Variants in AGO1 observed in about 807,000 individuals in gnomAD.
AGO1 encodes protein argonaute-1.
In AGO1, 11 loss-of-function variants were observed where a neutral mutation model predicts 109.2. The ratio of observed to expected loss-of-function variants is 0.10; its 90% CI spans 0.06 to 0.17. The LOEUF (loss-of-function observed/expected upper bound fraction) is 0.17, where lower values mean the gene tolerates loss of function less well. AGO1 is among the 10% of genes least tolerant of loss of function. The probability of loss-of-function intolerance (pLI) is 1.00; values close to 1 mark genes in which losing one functional copy is unlikely to be tolerated. For synonymous variants in AGO1, 422 were observed against 418.6 expected (o/e 1.01, Z -0.10); for missense variants, 574 against 1,140.3 (o/e 0.50, Z 7.15).
chr1:35,883,147 GTCGGAGCGCCCCGCTTGACTCGT>G (rs1645055347), upstream of AGO1: 1 of 1,122,070 alleles, frequency 8.9e-7, no homozygotes, highest in Non-Finnish European at 1.1e-6. This position sits in a 1 kb window ranked among gnomAD's most constrained non-coding sequence, Gnocchi z 5.4. Flanking sequence ...CTTTGTTGCC[GTCGGAGCGCCCCGCTTGACTCGT>G]TCCGGTCCGC....
intron 1 of AGO1, among the ~76,000 whole-genome samples, chr1:35,877,885 G>A (rs1460692831): frequency 6.6e-6 from 1 of 151,348 alleles, no homozygotes; most frequent in Non-Finnish European, 1.5e-5. Flanking sequence ...TAGAGATGGG[G>A]TCTCACCATA....
chr1:35,887,833 G>A (rs1645145425), intron 1 of AGO1, among the ~76,000 whole-genome samples: 1 of 151,366 alleles, frequency 6.6e-6, no homozygotes, highest in Non-Finnish European at 1.5e-5. Flanking sequence ...CTTTTCCTTA[G>A]TCTCCAAACT....
chr1:35,888,775 ACTTCG>A lies in AGO1; in HGVS notation c.209+168_209+172del. The stretch of plus-strand genomic sequence containing the variant: ...AAATGCTGAAAAATAGTCCAATTGG[ACTTCG>A]CTATTGGAAGATTATTAGTGGCTTT... On this transcript the variant is annotated intron_variant, in intron 2 of 18. Transcript: ENST00000373204. This position sits in a 1 kb window ranked among gnomAD's most constrained non-coding sequence, Gnocchi z 4.1. 6.6e-6 allele frequency among the ~76,000 whole-genome samples: 1 copy of A among 152,222 alleles called. No homozygotes were observed. Among genetic ancestry groups the A allele is most frequent in the Non-Finnish European group, 1.5e-5 (1 of 68,042 alleles).
At chr1:35,882,636 T>C (rs1445821687), upstream of AGO1, among the ~76,000 whole-genome samples, 1 of 152,198 alleles carries the variant, frequency 6.6e-6, no homozygotes, top group East Asian at 1.9e-4. The surrounding 1 kb of genome is among the most constrained non-coding windows in gnomAD (Gnocchi z 5.1). Context: ...GCTCTGTAGC[T>C]GCACTTAAGT....
chr1:35,909,309 AAG>A, intron 12 of AGO1, among the ~76,000 whole-genome samples: 1 of 152,206 alleles, frequency 6.6e-6, no homozygotes, highest in East Asian at 1.9e-4. Context: ...GGAATTGTTG[AAG>A]AGAGCTGAAT....
chr1:35,883,962 C>T lies in AGO1; in HGVS notation c.25+516C>T, dbSNP rs764375012. On this transcript the variant is annotated intron_variant, in intron 1 of 18. Coordinates refer to ENST00000373204, the MANE Select transcript of AGO1 (RefSeq NM_012199.5). This position sits in a 1 kb window ranked among gnomAD's most constrained non-coding sequence, Gnocchi z 5.4. Reference sequence around the variant, plus strand: ...GGGGGCGGTGGGTGGGGACCCAGTCCCGGGATTACCCCCCGTGGGTCTGGG... The same window carrying T: ...GGGGGCGGTGGGTGGGGACCCAGTCTCGGGATTACCCCCCGTGGGTCTGGG... 1.1e-4 allele frequency among the ~76,000 whole-genome samples: 17 copies of T among 152,172 alleles called. No individual in the cohort carries two copies. Among genetic ancestry groups the T allele is most frequent in the Non-Finnish European group, 4.4e-5 (3 of 68,024 alleles).
chr1:35,883,057 C>G (rs1645053825), upstream of AGO1, among the ~76,000 whole-genome samples: 1 of 152,194 alleles, frequency 6.6e-6, no homozygotes. The surrounding 1 kb of genome is among the most constrained non-coding windows in gnomAD (Gnocchi z 5.4). Context: ...CTGGCGCCCT[C>G]CCGCCGGGCT....
chr1:35,906,891 C>G, intron 11 of AGO1, 44 bp from the exon 12 acceptor site: 1 of 1,552,770 alleles, frequency 6.4e-7, no homozygotes, highest in Non-Finnish European at 8.8e-7. Context: ...CAGAAGAATT[C>G]AAGTGAGACT....
rs1645850893 is a variant in AGO1, at chr1:35,922,490, TG to T, written c.*2886del. The T allele has an allele frequency of 1.3e-5, 2 of 152,424 alleles. No homozygotes were observed. The highest frequency in any genetic ancestry group is 4.8e-5 in the African/African-American group (2 of 41,468). 9.4% of individuals were successfully genotyped at this position (152,424 alleles called of 1,614,324 possible). ...GGACCCCCAGCCTCATCCTCTTAGT[TG>T]GGTCTCTTGTTCCCTTTGTACCACT... On this transcript the variant is annotated 3_prime_UTR_variant, in exon 19 of 19. Coordinates refer to ENST00000373204, the MANE Select transcript of AGO1 (RefSeq NM_012199.5).
chr1:35,886,839 T>C (rs1187467964), intron 1 of AGO1, among the ~76,000 whole-genome samples: 1 of 152,162 alleles, frequency 6.6e-6, no homozygotes, highest in African/African-American at 2.4e-5. Flanking sequence ...TGTGTGTGTG[T>C]CAGACACTGG....
chr1:35,874,155 C>T (rs1482080561), intron 1 of AGO1, among the ~76,000 whole-genome samples: 1 of 152,116 alleles, frequency 6.6e-6, no homozygotes, highest in African/African-American at 2.4e-5. Flanking sequence ...TTTGATCTAC[C>T]AATGTCATGG....
At position 35,888,017 on chromosome 1, in the gene AGO1, C is replaced by T. The variant is rs1421893862; in HGVS notation, c.26-410C>T. Among the ~76,000 whole-genome samples, 1 of 152,084 alleles carries T rather than the reference C, an allele frequency of 6.6e-6. No individual in the cohort carries two copies. Among genetic ancestry groups the T allele is most frequent in the East Asian group, 1.9e-4 (1 of 5,194 alleles). ...TGCCATTTTGTATTCAGCATGGTGGCGAATGGAGTGAGCATCTGGCTGGCA... is the reference window on the plus strand; with the variant it reads ...TGCCATTTTGTATTCAGCATGGTGGTGAATGGAGTGAGCATCTGGCTGGCA... On this transcript the variant is annotated intron_variant, in intron 1 of 18. Transcript: ENST00000373204. This position sits in a 1 kb window ranked among gnomAD's most constrained non-coding sequence, Gnocchi z 4.1.
At chr1:35,869,921 G>A (rs891935802) in intron 1 of AGO1, 2 of 152,226 alleles carry the variant, frequency 1.3e-5, no homozygotes, top group African/African-American at 4.8e-5. Flanking sequence ...ATTTAATCCG[G>A]TGTGCATTTT....
At chr1:35,898,448 G>A (rs1268179938) in intron 8 of AGO1, among the ~76,000 whole-genome samples, 2 of 152,022 alleles carry the variant, frequency 1.3e-5, no homozygotes, top group Admixed American at 6.6e-5. Flanking sequence ...AGTAGAGATG[G>A]GGTTTCACGG....
chr1:35,910,797 A>G (rs1476193541), intron 12 of AGO1, among the ~76,000 whole-genome samples: 1 of 151,996 alleles, frequency 6.6e-6, no homozygotes, highest in Non-Finnish European at 1.5e-5. Flanking sequence ...GGGTGCAGTG[A>G]CTCGTGCCTG....
chr1:35,903,779 A>G (rs554859077), intron 11 of AGO1, among the ~76,000 whole-genome samples: 202 of 151,134 alleles, frequency 1.3e-3, no homozygotes, highest in African/African-American at 4.8e-3. Context: ...CCTGGCCAAT[A>G]TGGTGAAACT....
At chr1:35,884,242 A>G (rs951871089) in intron 1 of AGO1, among the ~76,000 whole-genome samples, 1 of 152,168 alleles carries the variant, frequency 6.6e-6, no homozygotes, top group Non-Finnish European at 1.5e-5. Flanking sequence ...TTTGCTAAGA[A>G]TGGGTTGAGG....
At position 35,906,802 on chromosome 1, in the gene AGO1, C is replaced by G. The variant is rs1369231244; in HGVS notation, c.1398-133C>G. The G allele has an allele frequency of 4.2e-6, 3 of 719,694 alleles. No individual in the cohort carries two copies. The East Asian group carries it at 8.2e-5, about 20-fold the overall frequency. The allele number at this position is 719,694 out of a possible 1,614,324, so 44.6% of individuals were successfully genotyped here. ...CATCCTGGTTGACAGAGCACCCTGT[C>G]TCAAGGAAAAAAAAAAAAAAAAACC... On this transcript the variant is annotated intron_variant, in intron 11 of 18. Coordinates refer to ENST00000373204, the MANE Select transcript of AGO1 (RefSeq NM_012199.5).
intron 8 of AGO1, 32 bp downstream of exon 8, chr1:35,895,301 G>T: frequency 6.2e-7 from 1 of 1,601,794 alleles, no homozygotes; most frequent in Non-Finnish European, 8.5e-7. Flanking sequence ...TGGGGAATAG[G>T]CATTGTATAT....
Sources: allele counts gnomAD v4.1 joint callset (sites outside exome capture counted in the v4.1 genomes callset), GRCh38; gene constraint gnomAD v4.1.1; non-coding constraint Gnocchi (gnomAD v3.1); transcripts MANE v1.5; gene names NCBI Gene and HGNC (gene_info 2026-07-23, HGNC 2026-07-21).